The following KIF11 variants were observed in gnomAD, a reference collection of about 807,000 sequenced individuals.
KIF11 encodes the protein kinesin family member 11.
Under a neutral mutation model 121.0 loss-of-function variants are expected in KIF11, and 9 were observed. The ratio of observed to expected loss-of-function variants is 0.07; its 90% CI spans 0.04 to 0.13. KIF11 has a LOEUF of 0.13. Among genes scored for constraint, KIF11 ranks in the 10% least tolerant of loss-of-function variants. The pLI is 1.00. For missense variants in KIF11, 846 were observed against 1,217.5 expected (o/e 0.69, Z 4.54); for synonymous variants, 408 against 421.0 (o/e 0.97, Z 0.38).
chr10:92,602,825 C>CACGTGTGTGTGTGT (rs1457102223), intron 1 of KIF11, among the ~76,000 whole-genome samples: 1 of 122,382 alleles, frequency 8.2e-6, no homozygotes, highest in African/African-American at 3.6e-5. Flanking sequence ...CACACACACA[C>CACGTGTGTGTGTGT]GTGTGTGTGT....
chr10:92,608,629 G>GCC (rs1844457309), intron 4 of KIF11, among the ~76,000 whole-genome samples: 1 of 152,080 alleles, frequency 6.6e-6, no homozygotes, highest in Admixed American at 6.6e-5. Context: ...AGTAGAGATG[G>GCC]GGTTTCACCG....
At chr10:92,601,764 A>C (rs1277329813) in intron 1 of KIF11, among the ~76,000 whole-genome samples, 2 of 149,622 alleles carry the variant, frequency 1.3e-5, no homozygotes, top group African/African-American at 4.9e-5. Context: ...CTGATCCTGA[A>C]CTCCTGGCTT....
chr10:92,637,347 GTGT>G (rs750268701), intron 15 of KIF11, 37 bp from the exon 16 acceptor site: 3 of 1,579,594 alleles, frequency 1.9e-6, no homozygotes, highest in Non-Finnish European at 2.6e-6. Flanking sequence ...CAAAATTGAT[GTGT>G]TGTTTAAGAA....
chr10:92,643,557 T>TC (rs1341008330), intron 17 of KIF11, among the ~76,000 whole-genome samples: 44 of 145,202 alleles, frequency 3.0e-4, no homozygotes, highest in African/African-American at 1.1e-3. Context: ...TCTACTAGAT[T>TC]TTTTTTTTTT....
chr10:92,651,502 A>ATTTTGT (rs1844979371), intron 21 of KIF11, among the ~76,000 whole-genome samples: 1 of 21,558 alleles, frequency 4.6e-5, no homozygotes, highest in Non-Finnish European at 8.1e-5. Flanking sequence ...TGCCTGGCTA[A>ATTTTGT]TTTTGTTTTT....
At chr10:92,607,117 G>A in intron 3 of KIF11, 42 bp from the exon 4 acceptor site, 2 of 1,148,508 alleles carry the variant, frequency 1.7e-6, no homozygotes, top group African/African-American at 1.5e-5. Context: ...AGTCATATGG[G>A]TGCATGTTTC....
chr10:92,631,921 T>C (rs969097887), intron 12 of KIF11, among the ~76,000 whole-genome samples: 3 of 151,880 alleles, frequency 2.0e-5, no homozygotes, highest in African/African-American at 7.3e-5. Flanking sequence ...GTGATCCACC[T>C]GCCTAGGCCT....
intron 14 of KIF11, 152 bp from the exon 15 acceptor site, chr10:92,637,032 C>CAAAAA (rs66987236): frequency 7.5e-5 from 28 of 374,732 alleles, no homozygotes; most frequent in African/African-American, 3.6e-4. Flanking sequence ...GACTCCGTCT[C>CAAAAA]AAAAAAAAAA....
At chr10:92,612,961 T>G in intron 6 of KIF11, 79 bp from the exon 7 acceptor site, 1 of 763,086 alleles carries the variant, frequency 1.3e-6, no homozygotes, top group Non-Finnish European at 2.2e-6. Context: ...TTAGATCTTC[T>G]TTCCTGTTTT....
intron 19 of KIF11, among the ~76,000 whole-genome samples, chr10:92,648,704 A>T (rs879276542): frequency 6.6e-6 from 1 of 152,246 alleles, no homozygotes; most frequent in African/African-American, 2.4e-5. Flanking sequence ...ATACAAACCT[A>T]GCACTGTTTG....
intron 10 of KIF11, among the ~76,000 whole-genome samples, chr10:92,625,310 T>TA (rs956397605): frequency 6.6e-6 from 1 of 152,028 alleles, no homozygotes; most frequent in African/African-American, 2.4e-5. Flanking sequence ...CTTAGCCACA[T>TA]ATATGTCTTC....
At chr10:92,635,891 G>T (rs1844789979) in intron 14 of KIF11, among the ~76,000 whole-genome samples, 2 of 152,150 alleles carry the variant, frequency 1.3e-5, no homozygotes, top group Admixed American at 6.5e-5. Flanking sequence ...AGTTGAAATT[G>T]GTATGCTAGC....
At position 92,625,500 on chromosome 10, in the gene KIF11, C is replaced by G. The variant is rs1381049060; in HGVS notation, c.1218-3308C>G. Reference sequence around the variant, plus strand: ...AGTAGCTGGGATTACAGGTGCCTGCCACCATGCCCGGCTAATTTTTGTATT... The same window carrying G: ...AGTAGCTGGGATTACAGGTGCCTGCGACCATGCCCGGCTAATTTTTGTATT... On this transcript the variant is annotated intron_variant, in intron 10 of 21. Coordinates refer to ENST00000260731, the MANE Select transcript of KIF11 (RefSeq NM_004523.4). Among the ~76,000 whole-genome samples the G allele has an allele frequency of 3.3e-5, 5 of 151,968 alleles. No homozygotes were observed. The East Asian group carries it at 9.6e-4, about 29-fold the overall frequency.
intron 10 of KIF11, among the ~76,000 whole-genome samples, chr10:92,624,869 A>C (rs149433160): frequency 1.3e-5 from 2 of 151,192 alleles, no homozygotes; most frequent in African/African-American, 4.9e-5. Flanking sequence ...CCCCAGGTTC[A>C]AGCAAGTCTC....
At chr10:92,606,838 C>G in intron 3 of KIF11, 122 bp downstream of exon 3, 1 of 695,326 alleles carries the variant, frequency 1.4e-6, no homozygotes, top group African/African-American at 1.8e-5. Context: ...AGTGCAATGG[C>G]GCGATCTCGG....
intron 10 of KIF11, among the ~76,000 whole-genome samples, chr10:92,623,995 A>G (rs1032453973): frequency 1.3e-5 from 2 of 152,088 alleles, no homozygotes; most frequent in Admixed American, 1.3e-4. Flanking sequence ...TCACCCAGAT[A>G]ATAACCATAG....
rs1312497915 is a variant in KIF11, at chr10:92,609,100, CAA to C, written c.470_471del (p.Lys157SerfsTer8). The C allele has an allele frequency of 6.2e-7, 1 of 1,605,720 alleles. No homozygotes were observed. Among genetic ancestry groups the C allele is most frequent in the East Asian group, 2.2e-5 (1 of 44,750 alleles). On this transcript the variant is annotated frameshift_variant, in exon 5 of 22. Coordinates refer to ENST00000260731, the MANE Select transcript of KIF11 (RefSeq NM_004523.4). LOFTEE classifies it high-confidence loss of function. ...LTDNGTEFSVKVSLLEIYNEE... is the reference protein window; with the variant it reads ...LTDNGTEFSVXVSLLEIYNEE... Reference sequence around the variant, plus strand: ...CTGATAATGGTACTGAATTTTCAGTCAAAGTGTCTCTGTTGGAGATCTATAAT... The same window carrying C: ...CTGATAATGGTACTGAATTTTCAGTCAGTGTCTCTGTTGGAGATCTATAAT...
Position 92,613,687 on chromosome 10 carries a change from A to G in KIF11, c.1032+68A>G, listed in dbSNP as rs1844519510. On this transcript the variant is annotated intron_variant, in intron 8 of 21. Transcript: ENST00000260731. This position sits in a 1 kb window ranked among gnomAD's most constrained non-coding sequence, Gnocchi z 4.2. ...TCTTATTTGGCTATTATATATTTTA[A>G]AAGTTCATTTACTAGGATGGACACA... The G allele has an allele frequency of 1.4e-6, 2 of 1,455,126 alleles. No individual in the cohort carries two copies. The highest frequency in any genetic ancestry group is 1.9e-6 in the Non-Finnish European group (2 of 1,077,104). The allele number at this position is 1,455,126 out of a possible 1,614,324, so 90.1% of individuals were successfully genotyped here. A position where few individuals can be genotyped will look rare whatever the true frequency, so the allele number is the denominator to read the frequency against.
At chr10:92,599,908 C>G (rs1260056527) in intron 1 of KIF11, among the ~76,000 whole-genome samples, 1 of 149,870 alleles carries the variant, frequency 6.7e-6, no homozygotes, top group Non-Finnish European at 1.5e-5. Flanking sequence ...GCCTCAGCCT[C>G]CCAAAGTTCT....
Sources: allele counts gnomAD v4.1 joint callset (sites outside exome capture counted in the v4.1 genomes callset), GRCh38; gene constraint gnomAD v4.1.1; non-coding constraint Gnocchi (gnomAD v3.1); transcripts MANE v1.5; gene names NCBI Gene and HGNC (gene_info 2026-07-23, HGNC 2026-07-21).